The following KCNMA1 variants were observed in gnomAD, a reference collection of about 807,000 sequenced individuals.
KCNMA1 encodes the protein Calcium-activated potassium channel subunit alpha-1.
Under a neutral mutation model 140.0 loss-of-function variants are expected in KCNMA1, and 29 were observed. The ratio of observed to expected loss-of-function variants is 0.21; its 90% CI spans 0.15 to 0.28. The LOEUF (loss-of-function observed/expected upper bound fraction) is 0.28. Ranked by LOEUF, KCNMA1 falls within the 10% of genes least tolerant of loss-of-function variation. KCNMA1 has a pLI of 1.00. For missense variants in KCNMA1, 880 were observed against 1,602.2 expected, an observed-to-expected ratio of 0.55 and a Z score of 7.70; for synonymous variants, 612 against 611.9, an observed-to-expected ratio of 1.00 and a Z score of 0.00.
chr10:77,528,469 GTGTGATGGCGGATACC>G (rs1488204454), intron 1 of KCNMA1, among the ~76,000 whole-genome samples: 1 of 151,992 alleles, frequency 6.6e-6, no homozygotes, highest in Non-Finnish European at 1.5e-5. Flanking sequence ...AATTAGCCGG[GTGTGATGGCGGATACC>G]TGTAATCCCA....
intron 14 of KCNMA1, among the ~76,000 whole-genome samples, chr10:77,049,869 T>C (rs1250224622): frequency 6.6e-6 from 1 of 152,200 alleles, no homozygotes; most frequent in African/African-American, 2.4e-5. Flanking sequence ...CTATGAGCAA[T>C]ATTTTCTGGG....
At chr10:76,890,907 G>T (rs1260071252) in intron 26 of KCNMA1, among the ~76,000 whole-genome samples, 2 of 152,190 alleles carry the variant, frequency 1.3e-5, no homozygotes, top group African/African-American at 2.4e-5. Context: ...GGCATTAAAG[G>T]ATCCACATAA....
At chr10:77,073,869 T>C (rs980582770) in intron 13 of KCNMA1, among the ~76,000 whole-genome samples, 9 of 152,156 alleles carry the variant, frequency 5.9e-5, no homozygotes, top group Non-Finnish European at 1.2e-4. Context: ...ATCAGGTAAA[T>C]CACAGTGTCG....
intron 14 of KCNMA1, among the ~76,000 whole-genome samples, chr10:77,042,396 TA>T (rs2094777365): frequency 6.6e-6 from 1 of 152,204 alleles, no homozygotes; most frequent in Non-Finnish European, 1.5e-5. Context: ...TGTTGGAATA[TA>T]GAATATTTGG....
chr10:76,913,998 G>T, intron 24 of KCNMA1: 1 of 1,308,634 alleles, frequency 7.6e-7, no homozygotes, highest in Non-Finnish European at 1.1e-6. Context: ...ATGATAGTTG[G>T]AAACACCAAC....
At chr10:76,978,870 A>G (rs186415184) in intron 19 of KCNMA1, among the ~76,000 whole-genome samples, 13 of 152,334 alleles carry the variant, frequency 8.5e-5, no homozygotes, top group African/African-American at 3.1e-4. Flanking sequence ...CTTTGAAATC[A>G]ATATTTATAC....
chr10:76,981,940 G>A (rs1025392083), intron 19 of KCNMA1, among the ~76,000 whole-genome samples: 8 of 152,104 alleles, frequency 5.3e-5, no homozygotes, highest in Admixed American at 3.3e-4. Context: ...GTTGCAAAGG[G>A]GAGAAGCACA....
intron 2 of KCNMA1, among the ~76,000 whole-genome samples, chr10:77,362,353 ACCCC>A (rs1467406713): frequency 1.1e-4 from 3 of 27,716 alleles, no homozygotes; most frequent in African/African-American, 2.8e-4. Context: ...ATCCCCCCCC[ACCCC>A]CCCCACCCCA....
intron 15 of KCNMA1, among the ~76,000 whole-genome samples, chr10:77,036,437 A>G (rs1181788119): frequency 6.6e-6 from 1 of 152,162 alleles, no homozygotes; most frequent in Non-Finnish European, 1.5e-5. Context: ...AGCTCTCCCA[A>G]TCCCACCCTG....
intron 1 of KCNMA1, among the ~76,000 whole-genome samples, chr10:77,405,117 A>T (rs2096428044): frequency 6.6e-6 from 1 of 152,102 alleles, no homozygotes; most frequent in Admixed American, 6.5e-5. Context: ...GAAACTGTAA[A>T]CCTTTGCATA....
At chr10:77,631,465 C>T (rs764576920) in intron 1 of KCNMA1, among the ~76,000 whole-genome samples, 2 of 152,210 alleles carry the variant, frequency 1.3e-5, no homozygotes, top group Admixed American at 6.5e-5. Flanking sequence ...ACCACAAAGG[C>T]GACCTTCCAG....
chr10:77,281,644 C>T (rs143217002), intron 2 of KCNMA1, among the ~76,000 whole-genome samples: 134 of 152,166 alleles, frequency 8.8e-4, no homozygotes, highest in African/African-American at 3.1e-3. Flanking sequence ...TGCCTGGGAA[C>T]CGGTGACTGC....
At chr10:77,516,303 C>T (rs991614954) in intron 1 of KCNMA1, among the ~76,000 whole-genome samples, 1 of 151,994 alleles carries the variant, frequency 6.6e-6, no homozygotes, top group Non-Finnish European at 1.5e-5. Context: ...CTGCTCCAAA[C>T]TCCCCTTAAC....
At chr10:76,898,943 G>GA (rs1398149605) in intron 25 of KCNMA1, among the ~76,000 whole-genome samples, 5 of 151,670 alleles carry the variant, frequency 3.3e-5, no homozygotes, top group Non-Finnish European at 7.4e-5. Context: ...ATAATTCCTT[G>GA]AAAAAATAAA....
intron 7 of KCNMA1, among the ~76,000 whole-genome samples, chr10:77,111,997 A>G (rs2097336281): frequency 6.6e-6 from 1 of 152,230 alleles, no homozygotes; most frequent in Non-Finnish European, 1.5e-5. Context: ...GTTGTTTACT[A>G]GGAGGTGTGG....
At chr10:77,439,048 G>T (rs1255313933) in intron 1 of KCNMA1, among the ~76,000 whole-genome samples, 2 of 150,640 alleles carry the variant, frequency 1.3e-5, no homozygotes, top group East Asian at 3.9e-4. Context: ...TCCAGCCTGG[G>T]CGACAGAGCG....
At chr10:77,571,945 G>GCAACAAGGTTTTT (rs1434747919) in intron 1 of KCNMA1, among the ~76,000 whole-genome samples, 1 of 152,156 alleles carries the variant, frequency 6.6e-6, no homozygotes, top group Non-Finnish European at 1.5e-5. Flanking sequence ...GAAAGCAGCA[G>GCAACAAGGTTTTT]CAACAAGGTT....
At chr10:77,375,559 T>C (rs2095040948) in intron 2 of KCNMA1, among the ~76,000 whole-genome samples, 1 of 152,236 alleles carries the variant, frequency 6.6e-6, no homozygotes, top group Non-Finnish European at 1.5e-5. Flanking sequence ...GCAACAGCAC[T>C]GCAAGCACTT....
At chr10:77,279,213 C>G (rs777919882) in intron 2 of KCNMA1, among the ~76,000 whole-genome samples, 1 of 152,148 alleles carries the variant, frequency 6.6e-6, no homozygotes, top group Non-Finnish European at 1.5e-5. Flanking sequence ...ATTCCATCAA[C>G]TATTTACTTA....
Sources: allele counts gnomAD v4.1 joint callset (sites outside exome capture counted in the v4.1 genomes callset), GRCh38; gene constraint gnomAD v4.1.1; transcripts MANE v1.5; gene names NCBI Gene and HGNC (gene_info 2026-07-23, HGNC 2026-07-21).